RNGTT: variants seen among roughly 807,000 people sequenced by gnomAD.
The protein encoded by RNGTT is mRNA-capping enzyme.
In RNGTT, 33 loss-of-function variants were observed where a neutral mutation model predicts 79.3. The ratio of observed to expected loss-of-function variants is 0.42; its 90% CI spans 0.32 to 0.56. The LOEUF (loss-of-function observed/expected upper bound fraction) is 0.56, where lower values mean the gene tolerates loss of function less well. Ranked by LOEUF, RNGTT falls within the 20% of genes least tolerant of loss-of-function variation. The pLI, the probability that RNGTT is intolerant of heterozygous loss-of-function variation, is 0.17. For missense variants in RNGTT, 497 were observed against 739.1 expected, an observed-to-expected ratio of 0.67 and a Z score of 3.80; for synonymous variants, 222 against 235.9, an observed-to-expected ratio of 0.94 and a Z score of 0.54.
At chr6:88,895,385 C>T (rs1381651743) in intron 6 of RNGTT, among the ~76,000 whole-genome samples, 2 of 151,956 alleles carry the variant, frequency 1.3e-5, no homozygotes, top group Admixed American at 1.3e-4. Context: ...AAGGAGTAAG[C>T]AACATACCTG....
chr6:88,791,820 G>T lies in RNGTT; in HGVS notation c.1338+9744C>A, dbSNP rs144214553. ...TCCCAAAGTGCTGCGATTACAGGCG[G>T]GAGCCACCATGCTCGGCCCAGGATT... On this transcript the variant is annotated intron_variant, in intron 12 of 15. Coordinates refer to ENST00000369485, the MANE Select transcript of RNGTT (RefSeq NM_003800.5). 2.2e-4 allele frequency among the ~76,000 whole-genome samples: 33 copies of T among 152,090 alleles called. No individual in the cohort carries two copies. The East Asian group carries it at 6.4e-3, about 29-fold the overall frequency.
chr6:88,863,138 A>G (rs2127914945), intron 8 of RNGTT, among the ~76,000 whole-genome samples: 1 of 152,342 alleles, frequency 6.6e-6, no homozygotes, highest in East Asian at 1.9e-4. Flanking sequence ...ATTTAATTTT[A>G]AATTGCAAAG....
chr6:88,927,623 T>C (rs1376384055), intron 4 of RNGTT, among the ~76,000 whole-genome samples: 7 of 148,182 alleles, frequency 4.7e-5, no homozygotes, highest in African/African-American at 7.5e-5. Context: ...CAGTGTGCCA[T>C]TGCACTCCAG....
At chr6:88,894,601 C>G (rs1783169344) in intron 6 of RNGTT, among the ~76,000 whole-genome samples, 1 of 152,200 alleles carries the variant, frequency 6.6e-6, no homozygotes, top group Non-Finnish European at 1.5e-5. Context: ...CATGTACACA[C>G]AGACCAGTAC....
At chr6:88,888,234 T>C (rs1191003165) in intron 8 of RNGTT, among the ~76,000 whole-genome samples, 4 of 152,168 alleles carry the variant, frequency 2.6e-5, no homozygotes, top group Non-Finnish European at 5.9e-5. Flanking sequence ...CATTTCGTAG[T>C]GTAAAGCCTA....
intron 12 of RNGTT, among the ~76,000 whole-genome samples, chr6:88,793,779 GAGAA>G (rs1023519378): frequency 1.3e-5 from 2 of 152,118 alleles, no homozygotes; most frequent in African/African-American, 4.8e-5. Context: ...CTGGGCGACA[GAGAA>G]AGACTCTGTC....
intron 14 of RNGTT, among the ~76,000 whole-genome samples, chr6:88,647,273 AAAT>A (rs1773602759): frequency 6.6e-6 from 1 of 152,154 alleles, no homozygotes; most frequent in Non-Finnish European, 1.5e-5. Context: ...TATAGTTTAT[AAAT>A]AATAATTATT....
At chr6:88,868,139 C>T (rs913517282) in intron 8 of RNGTT, among the ~76,000 whole-genome samples, 2 of 149,090 alleles carry the variant, frequency 1.3e-5, no homozygotes, top group Admixed American at 6.6e-5. Flanking sequence ...ACACTCTTTA[C>T]CTGATTTCCA....
chr6:88,820,902 A>T (rs1780478333), intron 11 of RNGTT, among the ~76,000 whole-genome samples: 1 of 152,154 alleles, frequency 6.6e-6, no homozygotes, highest in Non-Finnish European at 1.5e-5. Flanking sequence ...TACAGATTCA[A>T]CACAATCCCA....
intron 6 of RNGTT, among the ~76,000 whole-genome samples, chr6:88,902,264 C>T (rs556195504): frequency 6.6e-6 from 1 of 151,960 alleles, no homozygotes; most frequent in Non-Finnish European, 1.5e-5. Context: ...AAACACAATA[C>T]CAAAAAAGAT....
chr6:88,723,810 C>T (rs1030040876), intron 13 of RNGTT, among the ~76,000 whole-genome samples: 5 of 151,992 alleles, frequency 3.3e-5, no homozygotes, highest in Non-Finnish European at 5.9e-5. Context: ...TTGCAACCTC[C>T]GCCTCCCAGG....
At chr6:88,937,127 G>T (rs143375183) in intron 2 of RNGTT, among the ~76,000 whole-genome samples, 1 of 152,234 alleles carries the variant, frequency 6.6e-6, no homozygotes, top group Non-Finnish European at 1.5e-5. Flanking sequence ...CAGATCACGT[G>T]AGGTCAGGAG....
At chr6:88,901,409 C>A (rs1370767196) in intron 6 of RNGTT, among the ~76,000 whole-genome samples, 3 of 147,096 alleles carry the variant, frequency 2.0e-5, no homozygotes, top group African/African-American at 5.0e-5. Flanking sequence ...AAAGAAGCAA[C>A]AAGGTAGCTA....
At chr6:88,698,659 A>T (rs538359558) in intron 13 of RNGTT, among the ~76,000 whole-genome samples, 1 of 152,158 alleles carries the variant, frequency 6.6e-6, no homozygotes. Context: ...ATATATACTA[A>T]AACTATTTTA....
At chr6:88,721,576 C>G (rs1776712935) in intron 13 of RNGTT, among the ~76,000 whole-genome samples, 1 of 152,046 alleles carries the variant, frequency 6.6e-6, no homozygotes, top group Non-Finnish European at 1.5e-5. Context: ...GATTGCTTTC[C>G]TTACCTGCTC....
rs374406637 is a variant in RNGTT at position 88,926,657 on chromosome 6, T to C, written c.367+2328A>G. ...AGAGAGGTAGTTTCAAGTGTGAACA[T>C]GCAACTCAGATTGCTTAGGATATAA... On this transcript the variant is annotated intron_variant, in intron 4 of 15. Coordinates refer to ENST00000369485, the MANE Select transcript of RNGTT (RefSeq NM_003800.5). Among the ~76,000 whole-genome samples the C allele has an allele frequency of 7.2e-5, 11 of 152,354 alleles. No homozygotes were observed. In the East Asian group the frequency reaches 1.2e-3, roughly 16 times the overall value.
intron 13 of RNGTT, among the ~76,000 whole-genome samples, chr6:88,683,936 G>A (rs1407833595): frequency 2.6e-5 from 4 of 152,004 alleles, no homozygotes; most frequent in Admixed American, 2.0e-4. Flanking sequence ...GATCTCATGA[G>A]TCCATGAGTT....
chr6:88,686,195 T>C (rs185985251), intron 13 of RNGTT, among the ~76,000 whole-genome samples: 1 of 151,412 alleles, frequency 6.6e-6, no homozygotes, highest in Non-Finnish European at 1.5e-5. Flanking sequence ...ATAAAAAATA[T>C]TTTTAATCTA....
intron 13 of RNGTT, among the ~76,000 whole-genome samples, chr6:88,682,589 A>G (rs1342774145): frequency 6.6e-6 from 1 of 152,106 alleles, no homozygotes; most frequent in East Asian, 1.9e-4. Flanking sequence ...CTTTTTTTAA[A>G]ATTTCCAACT....
Sources: allele counts gnomAD v4.1 joint callset (sites outside exome capture counted in the v4.1 genomes callset), GRCh38; gene constraint gnomAD v4.1.1; transcripts MANE v1.5; gene names NCBI Gene and HGNC (gene_info 2026-07-23, HGNC 2026-07-21).